Variants in ADCY8 observed in about 807,000 individuals in gnomAD.
ADCY8 encodes adenylate cyclase type 8.
Under a neutral mutation model 119.7 loss-of-function variants are expected in ADCY8, and 51 were observed. That is an observed-to-expected ratio of 0.43 (90% CI 0.34 to 0.54). The LOEUF (loss-of-function observed/expected upper bound fraction) is 0.54. Among genes scored for constraint, ADCY8 ranks in the 20% least tolerant of loss-of-function variants. The pLI is 0.03. For missense variants in ADCY8, 1,383 were observed against 1,598.8 expected (o/e 0.87, Z 2.30); for synonymous variants, 665 against 651.0 (o/e 1.02, Z -0.33).
chr8:131,033,922 C>T lies in ADCY8; in HGVS notation c.960+5452G>A, dbSNP rs890667045. Among the ~76,000 whole-genome samples, 5 of 151,944 alleles carry T rather than the reference C, an allele frequency of 3.3e-5. No homozygotes were observed. In the South Asian group the frequency reaches 1.0e-3, roughly 32 times the overall value. On this transcript the variant is annotated intron_variant, in intron 1 of 17. Coordinates refer to ENST00000286355, the MANE Select transcript of ADCY8 (RefSeq NM_001115.3). ...GGAATCTCTTGGGAAGGTTGACACT[C>T]AAATCGGCTTTTGAAAGGCATTTTT...
chr8:130,900,374 A>G (rs982743287), intron 7 of ADCY8, among the ~76,000 whole-genome samples: 1 of 152,160 alleles, frequency 6.6e-6, no homozygotes, highest in Non-Finnish European at 1.5e-5. Context: ...CAAACTACTG[A>G]AATGGGTAGA....
At chr8:130,828,976 C>G (rs1816746819) in intron 12 of ADCY8, among the ~76,000 whole-genome samples, 1 of 152,140 alleles carries the variant, frequency 6.6e-6, no homozygotes, top group South Asian at 2.1e-4. Flanking sequence ...CGTAGTCTCT[C>G]CTGAGATCCA....
intron 1 of ADCY8, among the ~76,000 whole-genome samples, chr8:131,037,683 C>T (rs914831970): frequency 6.6e-6 from 1 of 151,752 alleles, no homozygotes; most frequent in African/African-American, 2.4e-5. Context: ...GGGAGGAAGA[C>T]AGGGAAGAAA....
Position 131,039,965 on chromosome 8 carries a change from G to T in ADCY8, c.369C>A (p.Gly123=). ...GGTGCAGGAAGCCCAGGTCGCCCCCGCCTCCGCTGCCGCTGGCACTGCCGC... is the reference window on the plus strand; with the variant it reads ...GGTGCAGGAAGCCCAGGTCGCCCCCTCCTCCGCTGCCGCTGGCACTGCCGC... ...SGSGSASGSG[G]GGDLGFLHLD... is the part of the protein sequence containing the mutation. Residue 123 remains glycine (G), a synonymous_variant, in exon 1 of 18, where the codon GGC becomes GGA. Transcript: ENST00000286355. 1 of 1,584,374 alleles carries T rather than the reference G, an allele frequency of 6.3e-7. No homozygotes were observed. Among genetic ancestry groups the T allele is most frequent in the Non-Finnish European group, 8.6e-7 (1 of 1,166,240 alleles).
chr8:130,787,145 A>C (rs1815273461), intron 15 of ADCY8, among the ~76,000 whole-genome samples: 1 of 152,174 alleles, frequency 6.6e-6, no homozygotes, highest in South Asian at 2.1e-4. Flanking sequence ...ATGGGTCTCT[A>C]TGCTAAGAGT....
intron 10 of ADCY8, 127 bp from the exon 11 acceptor site, chr8:130,847,640 T>G: frequency 1.4e-6 from 1 of 712,104 alleles, no homozygotes; most frequent in Non-Finnish European, 2.4e-6. Context: ...CTGGGTAGAC[T>G]GAACCCTAGA....
chr8:130,804,837 C>T (rs1366808186), intron 14 of ADCY8, among the ~76,000 whole-genome samples: 1 of 152,316 alleles, frequency 6.6e-6, no homozygotes, highest in African/African-American at 2.4e-5. Flanking sequence ...ACCTCCACCT[C>T]CTGGGTTCAA....
intron 12 of ADCY8, among the ~76,000 whole-genome samples, chr8:130,833,999 A>G (rs1384540907): frequency 6.6e-6 from 1 of 152,206 alleles, no homozygotes; most frequent in African/African-American, 2.4e-5. Flanking sequence ...ACTATAGCTA[A>G]TAGCAATGTA....
chr8:130,935,988 T>C (rs1035162299), intron 5 of ADCY8, among the ~76,000 whole-genome samples: 2 of 152,158 alleles, frequency 1.3e-5, no homozygotes, highest in Non-Finnish European at 1.5e-5. Flanking sequence ...CTTTGTCTCA[T>C]GGAAGAAGCT....
At chr8:130,842,424 A>G (rs375116597) in intron 11 of ADCY8, among the ~76,000 whole-genome samples, 194 of 152,218 alleles carry the variant, frequency 1.3e-3, no homozygotes, top group African/African-American at 4.5e-3. Flanking sequence ...TTACACATAT[A>G]GTATGCTGCT....
At chr8:130,806,645 G>A (rs1039735838) in intron 14 of ADCY8, among the ~76,000 whole-genome samples, 1 of 152,286 alleles carries the variant, frequency 6.6e-6, no homozygotes, top group African/African-American at 2.4e-5. Context: ...CAGTGGCCTT[G>A]GGAGGAGATA....
At chr8:130,890,526 A>G (rs1458230301) in intron 7 of ADCY8, among the ~76,000 whole-genome samples, 1 of 152,116 alleles carries the variant, frequency 6.6e-6, no homozygotes, top group Non-Finnish European at 1.5e-5. Context: ...TTTTCCTGCT[A>G]TTTGATCAAA....
intron 15 of ADCY8, among the ~76,000 whole-genome samples, chr8:130,798,618 A>C (rs1002114863): frequency 6.6e-6 from 1 of 152,230 alleles, no homozygotes; most frequent in African/African-American, 2.4e-5. Context: ...GGGATGTGAC[A>C]AAATTCTCCT....
At chr8:130,787,445 G>C (rs1815281794) in intron 15 of ADCY8, among the ~76,000 whole-genome samples, 4 of 152,184 alleles carry the variant, frequency 2.6e-5, no homozygotes, top group Admixed American at 2.6e-4. Context: ...GTGTGCCTGT[G>C]TGCAACTATG....
intron 3 of ADCY8, among the ~76,000 whole-genome samples, chr8:130,950,339 T>C (rs1439449168): frequency 6.6e-6 from 1 of 152,190 alleles, no homozygotes; most frequent in African/African-American, 2.4e-5. Context: ...TAACTTGAGA[T>C]GCAAAGAAGC....
chr8:130,845,556 C>G (rs373878050), intron 11 of ADCY8, among the ~76,000 whole-genome samples: 2 of 152,162 alleles, frequency 1.3e-5, no homozygotes, highest in Non-Finnish European at 1.5e-5. Flanking sequence ...GGGCCACTTA[C>G]TCTCTCCAAA....
chr8:130,951,104 C>A (rs1821255741), intron 3 of ADCY8, among the ~76,000 whole-genome samples: 1 of 152,242 alleles, frequency 6.6e-6, no homozygotes, highest in Admixed American at 6.5e-5. Flanking sequence ...TTGCTTAACT[C>A]TGCCTGTTTT....
intron 1 of ADCY8, among the ~76,000 whole-genome samples, chr8:131,031,113 T>C (rs1823983385): frequency 6.6e-6 from 1 of 151,942 alleles, no homozygotes; most frequent in South Asian, 2.1e-4. Context: ...TCTCCCTACA[T>C]AGGATATTCC....
intron 9 of ADCY8, among the ~76,000 whole-genome samples, chr8:130,859,785 T>C (rs1334424098): frequency 6.6e-6 from 1 of 152,226 alleles, no homozygotes; most frequent in East Asian, 1.9e-4. Flanking sequence ...TATGCTGGAC[T>C]TCATCTCTTT....
Sources: allele counts gnomAD v4.1 joint callset (sites outside exome capture counted in the v4.1 genomes callset), GRCh38; gene constraint gnomAD v4.1.1; transcripts MANE v1.5; gene names NCBI Gene and HGNC (gene_info 2026-07-23, HGNC 2026-07-21).